Variants in MACROD2 observed in about 807,000 individuals in gnomAD.
MACROD2 encodes the protein mono-ADP ribosylhydrolase 2.
Under a neutral mutation model 70.4 loss-of-function variants are expected in MACROD2, and 36 were observed. The ratio of observed to expected loss-of-function variants is 0.51; its 90% CI spans 0.39 to 0.68. MACROD2 has a LOEUF of 0.68. Ranked by LOEUF, MACROD2 falls within the 30% of genes least tolerant of loss-of-function variation. MACROD2 has a pLI of 0.00. For synonymous variants in MACROD2, 172 were observed against 178.8 expected (o/e 0.96, Z 0.30); for missense variants, 496 against 538.4 (o/e 0.92, Z 0.78).
At chr20:14,485,384 G>T (rs1444814432) in intron 3 of MACROD2, among the ~76,000 whole-genome samples, 46 of 152,104 alleles carry the variant, frequency 3.0e-4, no homozygotes, top group Admixed American at 3.0e-3. Context: ...AACCTCAGAA[G>T]CCTTAACTAT....
At chr20:14,160,433 C>T (rs1223997647) in intron 3 of MACROD2, among the ~76,000 whole-genome samples, 8 of 152,152 alleles carry the variant, frequency 5.3e-5, no homozygotes, top group Admixed American at 5.2e-4. Context: ...TCTGTTTCTT[C>T]CTCATTCAAT....
chr20:15,204,890 T>C (rs2076688448), intron 5 of MACROD2, among the ~76,000 whole-genome samples: 2 of 152,082 alleles, frequency 1.3e-5, no homozygotes, highest in South Asian at 4.1e-4. Context: ...ATAATATGAC[T>C]AAAGGACCAC....
In MACROD2 at chr20:15,568,996, G is replaced by A. The variant is rs149407598; in HGVS notation, c.645+69149G>A. Among the ~76,000 whole-genome samples, 711 of 152,274 alleles carry A rather than the reference G, an allele frequency of 4.7e-3. 4 individuals are homozygous for A. The highest frequency in any genetic ancestry group is 0.02 in the South Asian group (96 of 4,828). On this transcript the variant is annotated intron_variant, in intron 8 of 17. Transcript: ENST00000684519. ...GCCATGTCATGATCACAGCCTGAGA[G>A]AAAGGAGACAAAAAATCTTACTGAA...
At chr20:15,646,668 G>A (rs188327131) in intron 8 of MACROD2, among the ~76,000 whole-genome samples, 78 of 152,274 alleles carry the variant, frequency 5.1e-4, no homozygotes, top group African/African-American at 1.8e-3. Context: ...GTTCCCCCAT[G>A]CTTTTATGAT....
At chr20:15,482,058 G>A (rs866261646) in intron 7 of MACROD2, among the ~76,000 whole-genome samples, 58 of 152,066 alleles carry the variant, frequency 3.8e-4, no homozygotes, top group African/African-American at 1.3e-3. Flanking sequence ...ATCCAGGCTC[G>A]GATTTCCTCC....
chr20:15,859,537 A>C (rs1212491723), intron 8 of MACROD2, among the ~76,000 whole-genome samples: 5 of 152,184 alleles, frequency 3.3e-5, no homozygotes, highest in Non-Finnish European at 5.9e-5. Context: ...TGTCAACTAT[A>C]TGAGCTCTTG....
chr20:15,406,053 G>T (rs1039695235), intron 6 of MACROD2, among the ~76,000 whole-genome samples: 2 of 152,132 alleles, frequency 1.3e-5, no homozygotes, highest in Non-Finnish European at 2.9e-5. Flanking sequence ...CGCCGTTAGG[G>T]ACTTCCGAGA....
At chr20:15,897,801 A>G (rs555385966) in intron 10 of MACROD2, among the ~76,000 whole-genome samples, 38 of 152,096 alleles carry the variant, frequency 2.5e-4, no homozygotes, top group South Asian at 4.1e-4. Flanking sequence ...TAATATCTCT[A>G]GTCTGTACAA....
At chr20:15,654,025 C>CA (rs144152527) in intron 8 of MACROD2, among the ~76,000 whole-genome samples, 18,979 of 152,124 alleles carry the variant, frequency 0.12, 1,678 homozygotes, top group Non-Finnish European at 0.18. Context: ...ATAAGCATCC[C>CA]ATTCCAGCCC....
intron 2 of MACROD2, among the ~76,000 whole-genome samples, chr20:14,062,262 ATGTT>A (rs1483244801): frequency 1.3e-5 from 2 of 152,126 alleles, no homozygotes; most frequent in South Asian, 2.1e-4. Flanking sequence ...TCTTTAGTAA[ATGTT>A]TGAGTGTTTA....
intron 7 of MACROD2, among the ~76,000 whole-genome samples, chr20:15,446,892 A>T (rs1465403595): frequency 1.3e-5 from 2 of 152,196 alleles, no homozygotes; most frequent in East Asian, 3.9e-4. Context: ...AGCTTTTTCC[A>T]TCCTTCATAA....
intron 6 of MACROD2, among the ~76,000 whole-genome samples, chr20:15,389,586 A>C (rs1278931264): frequency 1.3e-5 from 2 of 152,246 alleles, no homozygotes; most frequent in East Asian, 3.8e-4. Flanking sequence ...TATTTTTAAT[A>C]GAAAAGTGTG....
chr20:14,331,761 A>G (rs1052384700), intron 3 of MACROD2, among the ~76,000 whole-genome samples: 8 of 152,104 alleles, frequency 5.3e-5, no homozygotes, highest in Admixed American at 4.6e-4. Flanking sequence ...TCAAAAATGA[A>G]CGATCCTCTC....
chr20:15,720,174 C>T (rs2050768019), intron 8 of MACROD2, among the ~76,000 whole-genome samples: 1 of 151,794 alleles, frequency 6.6e-6, no homozygotes, highest in African/African-American at 2.4e-5. Context: ...ATATATTTAC[C>T]ACATTTTCTT....
chr20:15,638,521 A>G (rs4813186), intron 8 of MACROD2, among the ~76,000 whole-genome samples: 89,610 of 152,024 alleles, frequency 0.59, 28,170 homozygotes, highest in Non-Finnish European at 0.71. Flanking sequence ...GACAAGACCA[A>G]TAGTCCTCCT....
At chr20:14,971,431 G>A (rs931602784) in intron 5 of MACROD2, among the ~76,000 whole-genome samples, 5 of 149,824 alleles carry the variant, frequency 3.3e-5, no homozygotes, top group African/African-American at 1.2e-4. Flanking sequence ...GATTCCATTT[G>A]ACATTAGTAG....
chr20:14,642,687 G>C, intron 4 of MACROD2, among the ~76,000 whole-genome samples: 1 of 152,124 alleles, frequency 6.6e-6, no homozygotes, highest in East Asian at 1.9e-4. Flanking sequence ...GGAGCAGTGA[G>C]AACACACAAT....
At chr20:14,068,689 G>C (rs1378229912) in intron 2 of MACROD2, among the ~76,000 whole-genome samples, 1 of 152,116 alleles carries the variant, frequency 6.6e-6, no homozygotes, top group Admixed American at 6.5e-5. Context: ...AGTCACAGGG[G>C]AAGGAAATAG....
chr20:14,228,402 A>G (rs924151087), intron 3 of MACROD2, among the ~76,000 whole-genome samples: 1 of 147,206 alleles, frequency 6.8e-6, no homozygotes, highest in African/African-American at 2.6e-5. Flanking sequence ...CAGTGGCGTG[A>G]TCTCGGCTCA....
Sources: gnomAD v4.1 joint callset for allele counts (sites outside exome capture counted in the v4.1 genomes callset) on GRCh38, gnomAD v4.1.1 for gene constraint, MANE v1.5 for transcripts, NCBI Gene and HGNC (gene_info 2026-07-23, HGNC 2026-07-21) for gene names.